The following LRRC7 variants were observed in gnomAD, a reference collection of about 807,000 sequenced individuals.
LRRC7 encodes leucine-rich repeat-containing protein 7.
In LRRC7, 23 loss-of-function variants were observed where a neutral mutation model predicts 175.7. The ratio of observed to expected loss-of-function variants is 0.13; its 90% CI spans 0.09 to 0.19. The LOEUF (loss-of-function observed/expected upper bound fraction) is 0.19. LRRC7 is among the 10% of genes least tolerant of loss of function. LRRC7 has a pLI of 1.00. For missense variants in LRRC7, 1,354 were observed against 1,904.7 expected (o/e 0.71, Z 5.38); for synonymous variants, 685 against 680.9 (o/e 1.01, Z -0.09).
Position 69,671,869 on chromosome 1 carries a change from C to A in LRRC7, c.3-6512C>A, listed in dbSNP as rs528854715. 1.4e-3 allele frequency among the ~76,000 whole-genome samples: 217 copies of A among 152,272 alleles called. 1 individual carries two copies. The highest frequency in any genetic ancestry group is 7.5e-3 in the Admixed American group (115 of 15,294). On this transcript the variant is annotated intron_variant, in intron 1 of 26. Transcript: ENST00000651989. ...TAAGATTCTCCATGCCATGTGGCCGCTGCTGGGGGATGGGGCAGAGTAATG... is the reference window on the plus strand; with the variant it reads ...TAAGATTCTCCATGCCATGTGGCCGATGCTGGGGGATGGGGCAGAGTAATG...
chr1:69,795,615 GA>G (rs1199721177), intron 4 of LRRC7, among the ~76,000 whole-genome samples: 2 of 152,152 alleles, frequency 1.3e-5, no homozygotes, highest in African/African-American at 4.8e-5. Flanking sequence ...TTTTGAAACA[GA>G]GACTCATTCA....
intron 25 of LRRC7, among the ~76,000 whole-genome samples, chr1:70,099,185 G>T (rs1311902400): frequency 6.4e-5 from 9 of 141,250 alleles, no homozygotes; most frequent in African/African-American, 2.1e-4. Flanking sequence ...ATCAATAAAT[G>T]TAATCCAGCA....
intron 12 of LRRC7, among the ~76,000 whole-genome samples, chr1:70,012,435 A>C (rs1425909797): frequency 2.0e-5 from 3 of 151,882 alleles, no homozygotes; most frequent in Non-Finnish European, 4.4e-5. Flanking sequence ...CTTGGTGCTC[A>C]AGTTTGCTGT....
intron 7 of LRRC7, among the ~76,000 whole-genome samples, chr1:69,902,098 G>A (rs1202302095): frequency 6.6e-6 from 1 of 152,054 alleles, no homozygotes; most frequent in African/African-American, 2.4e-5. Context: ...CTTCATAATA[G>A]CCATTATTAT....
chr1:69,841,418 A>G (rs1681715025), intron 7 of LRRC7, among the ~76,000 whole-genome samples: 1 of 152,072 alleles, frequency 6.6e-6, no homozygotes, highest in Non-Finnish European at 1.5e-5. Context: ...TATGGAAGAA[A>G]ACAACGTTAA....
intron 25 of LRRC7, among the ~76,000 whole-genome samples, chr1:70,096,811 C>A (rs1244785932): frequency 6.6e-6 from 1 of 152,102 alleles, no homozygotes; most frequent in Non-Finnish European, 1.5e-5. Flanking sequence ...GGCTTCAGTT[C>A]CCTGAAGGTG....
rs376996334 is a variant in LRRC7 at position 69,868,891 on chromosome 1, C to A, written c.647+30608C>A. ...TTTCTCTCTCTATCTATCTATCTAT[C>A]TATATATGTATGTATATATGTACAT... On this transcript the variant is annotated intron_variant, in intron 7 of 26. Coordinates refer to ENST00000651989, the MANE Select transcript of LRRC7 (RefSeq NM_001370785.2). 5.4e-5 allele frequency among the ~76,000 whole-genome samples: 8 copies of A among 147,820 alleles called. No individual in the cohort carries two copies. In the East Asian group the frequency reaches 8.1e-4, roughly 15 times the overall value.
intron 7 of LRRC7, chr1:69,879,444 A>G (rs948239702): frequency 6.6e-6 from 1 of 151,998 alleles, no homozygotes; most frequent in East Asian, 1.9e-4. Flanking sequence ...TACTGAAAGG[A>G]CCCTCTCTCG....
At chr1:70,074,692 G>A (rs933426685) in intron 23 of LRRC7, among the ~76,000 whole-genome samples, 11 of 152,108 alleles carry the variant, frequency 7.2e-5, no homozygotes, top group South Asian at 4.1e-4. Flanking sequence ...TCAATTGGAC[G>A]TCTAAAATAT....
chr1:69,887,907 G>C (rs1453951054), intron 7 of LRRC7, among the ~76,000 whole-genome samples: 1 of 146,828 alleles, frequency 6.8e-6, no homozygotes, highest in African/African-American at 2.6e-5. Context: ...CCTGCTGGGG[G>C]GTGCCTCTCA....
At chr1:69,590,663 A>G (rs1646594308) in intron 1 of LRRC7, among the ~76,000 whole-genome samples, 1 of 152,188 alleles carries the variant, frequency 6.6e-6, no homozygotes, top group Non-Finnish European at 1.5e-5. Flanking sequence ...TTCAGAAAGT[A>G]GTAGGTTTCT....
intron 2 of LRRC7, among the ~76,000 whole-genome samples, chr1:69,680,820 T>C (rs1190222828): frequency 6.6e-6 from 1 of 152,010 alleles, no homozygotes; most frequent in Non-Finnish European, 1.5e-5. Context: ...TTCAGTTTAT[T>C]TATCTGAAGA....
chr1:70,010,822 G>A (rs1020748919), intron 11 of LRRC7, among the ~76,000 whole-genome samples: 13 of 152,066 alleles, frequency 8.5e-5, no homozygotes, highest in Non-Finnish European at 1.8e-4. Flanking sequence ...GTGTCTTGTT[G>A]CCTTGTGATA....
intron 8 of LRRC7, among the ~76,000 whole-genome samples, chr1:69,943,169 A>G (rs1465475460): frequency 6.6e-6 from 1 of 152,170 alleles, no homozygotes; most frequent in Admixed American, 6.6e-5. Flanking sequence ...AACCAACATT[A>G]TTGATAATAG....
At chr1:69,730,269 T>G (rs142708749) in intron 2 of LRRC7, among the ~76,000 whole-genome samples, 1 of 152,366 alleles carries the variant, frequency 6.6e-6, no homozygotes, top group African/African-American at 2.4e-5. Flanking sequence ...CTTATGTAAA[T>G]TTCTGCAGTG....
intron 7 of LRRC7, among the ~76,000 whole-genome samples, chr1:69,861,919 T>G (rs538859864): frequency 6.6e-6 from 1 of 152,346 alleles, no homozygotes; most frequent in Non-Finnish European, 1.5e-5. Flanking sequence ...AGTGTAGCTT[T>G]CTGGTACTTT....
intron 8 of LRRC7, among the ~76,000 whole-genome samples, chr1:69,949,616 C>A (rs1281196777): frequency 1.3e-5 from 2 of 152,010 alleles, no homozygotes; most frequent in Admixed American, 1.3e-4. Flanking sequence ...TAGTTTTATT[C>A]TTTTATTTAA....
chr1:70,124,816 A>T lies in LRRC7; in HGVS notation c.*2929A>T, dbSNP rs1300833891. ...AACTGGAATTCATGATGGCTCCAGT[A>T]GATTCTACCTCTTGGTCTTTAATTT... On this transcript the variant is annotated 3_prime_UTR_variant, in exon 27 of 27. Coordinates refer to ENST00000651989, the MANE Select transcript of LRRC7 (RefSeq NM_001370785.2). 6.6e-6 allele frequency among the ~76,000 whole-genome samples: 1 copy of T among 152,126 alleles called. No individual in the cohort carries two copies. The highest frequency in any genetic ancestry group is 1.5e-5 in the Non-Finnish European group (1 of 68,020).
chr1:70,038,378 G>A lies in LRRC7; in HGVS notation c.2554G>A (p.Asp852Asn). 1 of 1,614,134 alleles carries A rather than the reference G, an allele frequency of 6.2e-7. No homozygotes were observed. The highest frequency in any genetic ancestry group is 8.5e-7 in the Non-Finnish European group (1 of 1,180,008). The stretch of plus-strand genomic sequence containing the variant: ...TGGACGCAGGCCTTTGATCAGGCAA[G>A]ACAGGATTGTTGGTGTTCCCCTGGA... ...SHGRRPLIRQ[D>N]RIVGVPLELE... The change falls in exon 21 of 27, where the codon GAC becomes AAC. Residue 852 changes from aspartate (D) to asparagine (N), a missense_variant. By Grantham distance (23) the Asp-to-Asn change is conservative (BLOSUM62 1). Transcript: ENST00000651989.
Sources: allele counts gnomAD v4.1 joint callset (sites outside exome capture counted in the v4.1 genomes callset), GRCh38; gene constraint gnomAD v4.1.1; transcripts MANE v1.5; gene names NCBI Gene and HGNC (gene_info 2026-07-23, HGNC 2026-07-21).